C2orf49: variants seen among roughly 807,000 people sequenced by gnomAD.
C2orf49 encodes tRNA splicing ligase complex subunit 2, also known as tRNA-splicing ligase complex subunit ASW.
Under a neutral mutation model 20.6 loss-of-function variants are expected in C2orf49, and 11 were observed. The observed-to-expected ratio is 0.53, with a 90% CI of 0.34 to 0.88. The LOEUF (loss-of-function observed/expected upper bound fraction) is 0.88, where lower values mean the gene tolerates loss of function less well. Ranked by LOEUF, C2orf49 falls within the 40% of genes least tolerant of loss-of-function variation. The pLI, the probability that C2orf49 is intolerant of heterozygous loss-of-function variation, is 0.02. For missense variants in C2orf49, 289 were observed against 274.2 expected (o/e 1.05, Z -0.38); for synonymous variants, 134 against 108.5 (o/e 1.24, Z -1.46).
the C2orf49 span, chr2:105,367,680 G>T: frequency 6.2e-7 from 1 of 1,614,196 alleles, no homozygotes; most frequent in Non-Finnish European, 8.5e-7. Flanking sequence ...TGCTGGCAGC[G>T]GTGGCAGATG....
In C2orf49 at chr2:105,343,211, G is replaced by C; in HGVS notation, c.630G>C (p.Glu210Asp). The change falls in exon 3 of 4, where the codon GAG becomes GAC. Residue 210 changes from glutamate to aspartate, a missense_variant. Coordinates refer to ENST00000258457, the MANE Select transcript of C2orf49 (RefSeq NM_024093.3). ...VKLKRAAPKE[E>D]AEAMNNLKPP... is the part of the protein sequence containing the mutation. ...TAAAGAGAGCTGCTCCTAAAGAAGA[G>C]GCAGAGGCCATGGTAAGTATGGGGG... 1 of 1,593,140 alleles carries C rather than the reference G, an allele frequency of 6.3e-7. No individual in the cohort carries two copies. Among genetic ancestry groups the C allele is most frequent in the Non-Finnish European group, 8.5e-7 (1 of 1,171,818 alleles).
At chr2:105,361,034 G>A in the C2orf49 span, 1 of 361,348 alleles carries the variant, frequency 2.8e-6, no homozygotes, top group Non-Finnish European at 5.0e-6. Flanking sequence ...ACATTTGGGT[G>A]TGCCTTACTC....
rs1558668564 is a variant in C2orf49, at chr2:105,346,026, TG to T, written c.*660del. On this transcript the variant is annotated 3_prime_UTR_variant, in exon 4 of 4. Transcript: ENST00000258457. ...TCTCATTAGCCTTGTTCAGAGTCTT[TG>T]GGGGAAATTTGAGATTTTTGAGATT... The T allele has an allele frequency of 1.3e-5, 2 of 152,146 alleles. No homozygotes were observed. Among genetic ancestry groups the T allele is most frequent in the African/African-American group, 4.8e-5 (2 of 41,430 alleles). The allele number at this position is 152,146 out of a possible 1,614,324, so 9.4% of individuals were successfully genotyped here.
chr2:105,378,300 G>A, the C2orf49 span: 1 of 415,368 alleles, frequency 2.4e-6, no homozygotes, highest in East Asian at 7.2e-5. Context: ...ACATGTTACT[G>A]GACTAAGCAT....
At chr2:105,381,482 G>T in the C2orf49 span, among the ~76,000 whole-genome samples, 2 of 152,126 alleles carry the variant, frequency 1.3e-5, no homozygotes, top group Admixed American at 1.3e-4. Context: ...GGGAGATTTG[G>T]TTCCGGGGTC....
chr2:105,380,377 C>T, the C2orf49 span, among the ~76,000 whole-genome samples: 2 of 152,148 alleles, frequency 1.3e-5, no homozygotes, highest in African/African-American at 4.8e-5. Context: ...TTCTATCTAT[C>T]TGTTCTGTCT....
downstream of C2orf49, among the ~76,000 whole-genome samples, chr2:105,350,751 T>TA (rs1487039724): frequency 6.6e-6 from 1 of 152,210 alleles, no homozygotes; most frequent in African/African-American, 2.4e-5. Context: ...AATAAACTTT[T>TA]AAAAAATAAA....
chr2:105,352,429 G>T (rs1368069330), downstream of C2orf49, among the ~76,000 whole-genome samples: 21 of 80,754 alleles, frequency 2.6e-4, no homozygotes, highest in East Asian at 8.1e-4. Context: ...GTTTGTTTGG[G>T]TTTTTTTTTT....
the C2orf49 span, among the ~76,000 whole-genome samples, chr2:105,383,053 T>C: frequency 1.3e-5 from 2 of 152,186 alleles, no homozygotes; most frequent in African/African-American, 2.4e-5. Flanking sequence ...ACCCAGCTTA[T>C]TTTTGTATTT....
At chr2:105,341,332 C>G (rs1434238208) in intron 2 of C2orf49, among the ~76,000 whole-genome samples, 1 of 152,188 alleles carries the variant, frequency 6.6e-6, no homozygotes, top group African/African-American at 2.4e-5. Context: ...ATCTTTGACT[C>G]TATTTTTTAA....
At chr2:105,337,869 G>A (rs1203885949) in intron 1 of C2orf49, among the ~76,000 whole-genome samples, 183 bp downstream of exon 1, 2 of 152,166 alleles carry the variant, frequency 1.3e-5, no homozygotes, top group Non-Finnish European at 2.9e-5. Flanking sequence ...CTCCAAAAAT[G>A]AGACGTCCGT....
the C2orf49 span, chr2:105,385,838 T>C: frequency 5.0e-5 from 8 of 159,804 alleles, no homozygotes; most frequent in Non-Finnish European, 6.8e-5. Flanking sequence ...CATTTCCCCA[T>C]TGAAAGGAAA....
At chr2:105,340,748 C>T (rs1027019480) in intron 2 of C2orf49, among the ~76,000 whole-genome samples, 1 of 152,048 alleles carries the variant, frequency 6.6e-6, no homozygotes, top group Non-Finnish European at 1.5e-5. Flanking sequence ...ACAAAGTGTC[C>T]TAAGATCCTT....
At chr2:105,377,219 G>C in the C2orf49 span, among the ~76,000 whole-genome samples, 1 of 152,206 alleles carries the variant, frequency 6.6e-6, no homozygotes, top group South Asian at 2.1e-4. Context: ...AGAAGCAAAA[G>C]CTCTGGGGAT....
At chr2:105,353,602 CCT>C (rs1178830347), downstream of C2orf49, among the ~76,000 whole-genome samples, 3 of 152,168 alleles carry the variant, frequency 2.0e-5, no homozygotes, top group Non-Finnish European at 4.4e-5. Flanking sequence ...AGTGTGTTGG[CCT>C]CTTTGCAGTC....
the C2orf49 span, among the ~76,000 whole-genome samples, chr2:105,364,915 A>G: frequency 3.3e-5 from 5 of 152,212 alleles, no homozygotes; most frequent in Non-Finnish European, 7.3e-5. Flanking sequence ...TCTTTTCATT[A>G]AACCATAAAT....
chr2:105,355,947 T>G, the C2orf49 span, among the ~76,000 whole-genome samples: 1 of 152,276 alleles, frequency 6.6e-6, no homozygotes, highest in Middle Eastern at 3.4e-3. Flanking sequence ...AATAAAACTT[T>G]TTTGTTAAGA....
the C2orf49 span, chr2:105,363,590 AC>A: frequency 1.1e-6 from 1 of 918,298 alleles, no homozygotes; most frequent in Non-Finnish European, 1.6e-6. Flanking sequence ...TTGTTAAGTC[AC>A]CAAGAAGCTG....
At chr2:105,342,391 A>G (rs1383753340) in intron 2 of C2orf49, among the ~76,000 whole-genome samples, 6 of 152,228 alleles carry the variant, frequency 3.9e-5, no homozygotes, top group Non-Finnish European at 8.8e-5. Context: ...TCTTGGCTTT[A>G]GAGACCTTTG....
Sources: allele counts gnomAD v4.1 joint callset (sites outside exome capture counted in the v4.1 genomes callset), GRCh38; gene constraint gnomAD v4.1.1; transcripts MANE v1.5; gene names NCBI Gene and HGNC (gene_info 2026-07-23, HGNC 2026-07-21).